Variants in SUGCT observed in about 807,000 individuals in gnomAD.
SUGCT encodes succinyl-CoA:glutarate-CoA transferase.
SUGCT carries 41 observed loss-of-function variants against 55.0 expected under a neutral mutation model. That is an observed-to-expected ratio of 0.74 (90% CI 0.58 to 0.97). The LOEUF (loss-of-function observed/expected upper bound fraction) is 0.97. SUGCT is among the 50% of genes least tolerant of loss of function. The pLI, the probability that SUGCT is intolerant of heterozygous loss-of-function variation, is 0.00. For missense variants in SUGCT, 568 were observed against 547.8 expected (o/e 1.04, Z -0.37); for synonymous variants, 187 against 200.4 (o/e 0.93, Z 0.56).
Position 40,188,595 on chromosome 7 carries a change from C to T in SUGCT, c.312+15C>T. The T allele has an allele frequency of 6.4e-7, 1 of 1,563,774 alleles. No homozygotes were observed. The highest frequency in any genetic ancestry group is 8.7e-7 in the Non-Finnish European group (1 of 1,150,830). On this transcript the variant is annotated intron_variant, in intron 4 of 13. Transcript: ENST00000335693. ...GAAATAAAAAAGTAAGAATATCATCCCTTTTTTGCTTTTTGTGTGTAATTC... is the reference window on the plus strand; with the variant it reads ...GAAATAAAAAAGTAAGAATATCATCTCTTTTTTGCTTTTTGTGTGTAATTC...
intron 9 of SUGCT, among the ~76,000 whole-genome samples, chr7:40,420,365 A>G (rs1787240561): frequency 1.3e-5 from 2 of 152,022 alleles, no homozygotes; most frequent in South Asian, 2.1e-4. Flanking sequence ...TTGAGACAGA[A>G]TCTTACTCTG....
At chr7:40,981,349 G>T in the SUGCT span, among the ~76,000 whole-genome samples, 1 of 152,100 alleles carries the variant, frequency 6.6e-6, no homozygotes. Context: ...ATTTTGTTGT[G>T]TCTTTTCTGT....
At chr7:40,973,347 T>C in the SUGCT span, among the ~76,000 whole-genome samples, 1 of 152,240 alleles carries the variant, frequency 6.6e-6, no homozygotes, top group Non-Finnish European at 1.5e-5. Flanking sequence ...TTATTTGACA[T>C]AAGTCTCATT....
chr7:40,777,690 C>T (rs1434302685), intron 13 of SUGCT, among the ~76,000 whole-genome samples: 1 of 152,058 alleles, frequency 6.6e-6, no homozygotes, highest in Non-Finnish European at 1.5e-5. Flanking sequence ...GGTTGGACTA[C>T]CCCAGAAGAT....
intron 12 of SUGCT, among the ~76,000 whole-genome samples, chr7:40,634,606 T>G (rs533886524): frequency 6.6e-6 from 1 of 152,188 alleles, no homozygotes; most frequent in African/African-American, 2.4e-5. Context: ...ATAAAAACAA[T>G]GAAGCAAAAC....
intron 12 of SUGCT, among the ~76,000 whole-genome samples, chr7:40,517,686 G>T (rs1793317814): frequency 6.6e-6 from 1 of 152,068 alleles, no homozygotes; most frequent in South Asian, 2.1e-4. Flanking sequence ...ACCTCTCTAA[G>T]CATGTCTTTC....
the SUGCT span, among the ~76,000 whole-genome samples, chr7:40,935,755 A>G: frequency 2.6e-5 from 4 of 152,190 alleles, no homozygotes; most frequent in Non-Finnish European, 5.9e-5. Flanking sequence ...ACCTTGGGAT[A>G]TAGCTAAGAG....
At chr7:40,249,315 A>ATCTATATCTATATATATATATGTC (rs1314961773) in intron 7 of SUGCT, among the ~76,000 whole-genome samples, 1 of 33,516 alleles carries the variant, frequency 3.0e-5, no homozygotes, top group Non-Finnish European at 6.3e-5. Context: ...CCAAAAAGCT[A>ATCTATATCTATATATATATATGTC]TATATATATA....
intron 13 of SUGCT, among the ~76,000 whole-genome samples, chr7:40,819,859 C>A (rs1463832342): frequency 2.0e-5 from 3 of 152,126 alleles, no homozygotes; most frequent in Non-Finnish European, 4.4e-5. Context: ...ATGGTATTGC[C>A]TAGGTTTTCT....
At chr7:40,900,654 C>T in the SUGCT span, among the ~76,000 whole-genome samples, 1 of 152,176 alleles carries the variant, frequency 6.6e-6, no homozygotes, top group Non-Finnish European at 1.5e-5. Context: ...TCTGAAGGTC[C>T]TTGCCAGTGA....
chr7:40,188,841 A>G (rs1045953676), intron 4 of SUGCT, among the ~76,000 whole-genome samples: 11 of 152,184 alleles, frequency 7.2e-5, no homozygotes, highest in Non-Finnish European at 1.6e-4. Context: ...TAGAAAAATT[A>G]TTTGATTCCT....
chr7:40,718,089 A>G (rs891376715), intron 12 of SUGCT, among the ~76,000 whole-genome samples: 2 of 152,230 alleles, frequency 1.3e-5, no homozygotes, highest in African/African-American at 2.4e-5. Flanking sequence ...ATAAAAATAG[A>G]AACTGTGCTC....
the SUGCT span, among the ~76,000 whole-genome samples, chr7:40,992,162 G>T: frequency 1.3e-5 from 2 of 152,194 alleles, no homozygotes; most frequent in Non-Finnish European, 2.9e-5. Context: ...CTTATTCATG[G>T]GTTTTCCGGA....
the SUGCT span, among the ~76,000 whole-genome samples, chr7:41,022,348 G>T: frequency 6.6e-6 from 1 of 152,258 alleles, no homozygotes; most frequent in African/African-American, 2.4e-5. Context: ...GGATTCTGGG[G>T]TAGCTAAACT....
intron 7 of SUGCT, among the ~76,000 whole-genome samples, chr7:40,265,437 A>AT (rs1361976305): frequency 1.3e-5 from 2 of 151,690 alleles, no homozygotes; most frequent in East Asian, 1.9e-4. Context: ...AAAACACATG[A>AT]TTTTTTTTCA....
intron 11 of SUGCT, among the ~76,000 whole-genome samples, chr7:40,489,227 T>C (rs1444721945): frequency 6.6e-6 from 1 of 151,894 alleles, no homozygotes; most frequent in Non-Finnish European, 1.5e-5. Flanking sequence ...TTAATTCTTT[T>C]TTTAATGTTC....
intron 13 of SUGCT, among the ~76,000 whole-genome samples, chr7:40,831,873 G>C (rs1052895044): frequency 3.3e-5 from 5 of 152,194 alleles, no homozygotes; most frequent in African/African-American, 9.6e-5. Context: ...GAGAGTACAG[G>C]CTCACACACT....
At chr7:40,598,261 A>T (rs1798119536) in intron 12 of SUGCT, among the ~76,000 whole-genome samples, 1 of 152,194 alleles carries the variant, frequency 6.6e-6, no homozygotes, top group African/African-American at 2.4e-5. Context: ...CTTTCTCTTG[A>T]GTTCTGGACC....
chr7:40,724,366 C>T (rs899745000), intron 12 of SUGCT, among the ~76,000 whole-genome samples: 18 of 152,114 alleles, frequency 1.2e-4, no homozygotes, highest in Admixed American at 7.2e-4. Context: ...GAGATTGAGA[C>T]CATCCTGGCT....
Sources: allele counts gnomAD v4.1 joint callset (sites outside exome capture counted in the v4.1 genomes callset), GRCh38; gene constraint gnomAD v4.1.1; transcripts MANE v1.5; gene names NCBI Gene and HGNC (gene_info 2026-07-23, HGNC 2026-07-21).